The following NEMP2 variants were observed in gnomAD, a reference collection of about 807,000 sequenced individuals.
The protein encoded by NEMP2 is UPF0571 transmembrane protein.
In NEMP2, 53 loss-of-function variants were observed where a neutral mutation model predicts 54.2. The ratio of observed to expected loss-of-function variants is 0.98; its 90% CI spans 0.78 to 1.23. The LOEUF (loss-of-function observed/expected upper bound fraction) is 1.23. Among genes scored for constraint, NEMP2 ranks in the 50% most tolerant of loss-of-function variants. The pLI is 0.00. For missense variants in NEMP2, 455 were observed against 511.3 expected (o/e 0.89, Z 1.06); for synonymous variants, 197 against 190.3 (o/e 1.04, Z -0.29).
the NEMP2 span, chr2:190,489,947 T>A: frequency 8.2e-7 from 1 of 1,212,498 alleles, no homozygotes; most frequent in Non-Finnish European, 1.2e-6. This position sits in a 1 kb window ranked among gnomAD's most constrained non-coding sequence, Gnocchi z 6.6. Flanking sequence ...AGCCTAGAAG[T>A]GGTACAGAGT....
the NEMP2 span, among the ~76,000 whole-genome samples, chr2:190,635,876 T>C: frequency 2.6e-5 from 4 of 152,112 alleles, no homozygotes; most frequent in Non-Finnish European, 4.4e-5. The surrounding 1 kb of genome is among the most constrained non-coding windows in gnomAD (Gnocchi z 4.1). Context: ...CCTATGTTGT[T>C]TGTTTTTTGA....
chr2:190,499,238 T>G, the NEMP2 span, among the ~76,000 whole-genome samples: 1 of 152,256 alleles, frequency 6.6e-6, no homozygotes, highest in Non-Finnish European at 1.5e-5. The surrounding 1 kb of genome is among the most constrained non-coding windows in gnomAD (Gnocchi z 6.0). Context: ...TAGTTATTCT[T>G]AGAAGTCATT....
the NEMP2 span, among the ~76,000 whole-genome samples, chr2:190,495,848 T>G: frequency 1.3e-5 from 2 of 152,164 alleles, no homozygotes; most frequent in African/African-American, 4.8e-5. The surrounding 1 kb of genome is among the most constrained non-coding windows in gnomAD (Gnocchi z 4.7). Context: ...CAACTCAAGA[T>G]GGATCAAGGA....
At chr2:190,553,963 C>A in the NEMP2 span, among the ~76,000 whole-genome samples, 5 of 152,168 alleles carry the variant, frequency 3.3e-5, no homozygotes, top group African/African-American at 1.2e-4. Context: ...ACTGAGGTAC[C>A]CAGTTCATCT....
At chr2:190,489,901 A>T in the NEMP2 span, 1 of 1,575,446 alleles carries the variant, frequency 6.3e-7, no homozygotes, top group Non-Finnish European at 8.6e-7. This position sits in a 1 kb window ranked among gnomAD's most constrained non-coding sequence, Gnocchi z 6.6. Context: ...TATTCCTAAC[A>T]GTTCAGGCCA....
the NEMP2 span, among the ~76,000 whole-genome samples, chr2:190,440,885 C>T: frequency 6.6e-6 from 1 of 152,190 alleles, no homozygotes; most frequent in Admixed American, 6.5e-5. Flanking sequence ...AGAGGAGGAA[C>T]ACCAGGGTTT....
At chr2:190,467,365 C>A in the NEMP2 span, among the ~76,000 whole-genome samples, 1 of 148,458 alleles carries the variant, frequency 6.7e-6, no homozygotes, top group East Asian at 2.0e-4. This position sits in a 1 kb window ranked among gnomAD's most constrained non-coding sequence, Gnocchi z 5.5. Context: ...GTAATTCCAG[C>A]ATTTTGGGAG....
chr2:190,497,696 G>A, the NEMP2 span: 1 of 1,613,970 alleles, frequency 6.2e-7, no homozygotes, highest in Non-Finnish European at 8.5e-7. The surrounding 1 kb of genome is among the most constrained non-coding windows in gnomAD (Gnocchi z 5.2). Flanking sequence ...AGACAACCGT[G>A]CTTCTGAGAT....
At chr2:190,588,370 T>C in the NEMP2 span, among the ~76,000 whole-genome samples, 10 of 152,210 alleles carry the variant, frequency 6.6e-5, no homozygotes, top group African/African-American at 2.2e-4. The surrounding 1 kb of genome is among the most constrained non-coding windows in gnomAD (Gnocchi z 5.0). Flanking sequence ...TTTCTTCCCC[T>C]GACCTAAGCT....
chr2:190,544,930 C>CAA, the NEMP2 span, among the ~76,000 whole-genome samples: 218 of 90,714 alleles, frequency 2.4e-3, 1 homozygote, highest in Middle Eastern at 6.3e-3. Context: ...TCTACCCCCG[C>CAA]AAAAAAAAAA....
chr2:190,639,594 AT>A, the NEMP2 span, among the ~76,000 whole-genome samples: 1 of 147,760 alleles, frequency 6.8e-6, no homozygotes, highest in Non-Finnish European at 1.5e-5. Flanking sequence ...AGTAACATTT[AT>A]TTTTTTCCTG....
the NEMP2 span, among the ~76,000 whole-genome samples, chr2:190,578,884 G>A: frequency 3.9e-5 from 6 of 152,150 alleles, no homozygotes; most frequent in Admixed American, 2.0e-4. The surrounding 1 kb of genome is among the most constrained non-coding windows in gnomAD (Gnocchi z 4.4). Flanking sequence ...TTGTGGGAAC[G>A]GATCAGCTCC....
At chr2:190,429,994 C>T in the NEMP2 span, among the ~76,000 whole-genome samples, 1 of 151,170 alleles carries the variant, frequency 6.6e-6, no homozygotes, top group African/African-American at 2.4e-5. Context: ...TATCCCTCCC[C>T]CAGCTCCCCA....
chr2:190,640,087 G>C, the NEMP2 span, among the ~76,000 whole-genome samples: 1 of 151,860 alleles, frequency 6.6e-6, no homozygotes, highest in South Asian at 2.1e-4. Flanking sequence ...AGGTTGTTTT[G>C]CTCTGTTCTA....
chr2:190,590,685 G>A, the NEMP2 span, among the ~76,000 whole-genome samples: 1 of 152,104 alleles, frequency 6.6e-6, no homozygotes, highest in Non-Finnish European at 1.5e-5. The surrounding 1 kb of genome is among the most constrained non-coding windows in gnomAD (Gnocchi z 5.1). Flanking sequence ...TAAAAATTCA[G>A]GACTCTGCCC....
the NEMP2 span, among the ~76,000 whole-genome samples, chr2:190,478,792 C>T: frequency 3.3e-5 from 5 of 151,572 alleles, no homozygotes; most frequent in African/African-American, 7.3e-5. Flanking sequence ...TCAGCACTTC[C>T]GTTTTTTGGT....
chr2:190,640,578 G>A, the NEMP2 span, among the ~76,000 whole-genome samples: 4 of 152,084 alleles, frequency 2.6e-5, no homozygotes, highest in South Asian at 2.1e-4. Flanking sequence ...CCAGGTACAC[G>A]ACAATATAAT....
chr2:190,473,595 A>G, the NEMP2 span, among the ~76,000 whole-genome samples: 1 of 152,192 alleles, frequency 6.6e-6, no homozygotes, highest in African/African-American at 2.4e-5. Flanking sequence ...ACCTACAAAG[A>G]GACTTAGACT....
In NEMP2 at chr2:190,520,150, C is replaced by T. The variant is rs1690705680; in HGVS notation, c.214-967G>A. 6.6e-6 allele frequency among the ~76,000 whole-genome samples: 1 copy of T among 152,026 alleles called. No individual in the cohort carries two copies. Among genetic ancestry groups the T allele is most frequent in the East Asian group, 1.9e-4 (1 of 5,196 alleles). Reference sequence around the variant, plus strand: ...ACAGTCACATTATCTCTGAAGTATGCCTGTAATCAGTGGCAAACTATATGA... The same window carrying T: ...ACAGTCACATTATCTCTGAAGTATGTCTGTAATCAGTGGCAAACTATATGA... On this transcript the variant is annotated intron_variant, in intron 2 of 8. Transcript: ENST00000409150. This position sits in a 1 kb window ranked among gnomAD's most constrained non-coding sequence, Gnocchi z 5.4.
Sources: gnomAD v4.1 joint callset for allele counts (sites outside exome capture counted in the v4.1 genomes callset) on GRCh38, gnomAD v4.1.1 for gene constraint, Gnocchi (gnomAD v3.1) non-coding constraint, MANE v1.5 for transcripts, NCBI Gene and HGNC (gene_info 2026-07-23, HGNC 2026-07-21) for gene names.